ZNF569: variants seen among roughly 807,000 people sequenced by gnomAD.
The protein encoded by ZNF569 is zinc finger protein 569.
In ZNF569, 38 loss-of-function variants were observed where a neutral mutation model predicts 56.3. The ratio of observed to expected loss-of-function variants is 0.68; its 90% CI spans 0.52 to 0.88. The LOEUF is 0.88. ZNF569 is among the 40% of genes least tolerant of loss of function. ZNF569 has a pLI of 0.00. For synonymous variants in ZNF569, 241 were observed against 262.9 expected (o/e 0.92, Z 0.81); for missense variants, 666 against 809.2 (o/e 0.82, Z 2.15).
chr19:37,418,612 G>C (rs1470071394), intron 5 of ZNF569, among the ~76,000 whole-genome samples: 1 of 152,072 alleles, frequency 6.6e-6, no homozygotes, highest in Non-Finnish European at 1.5e-5. Context: ...CTAAAGAAAG[G>C]CTGAGAAATT....
intron 5 of ZNF569, among the ~76,000 whole-genome samples, chr19:37,417,665 C>T (rs2040956746): frequency 6.6e-6 from 1 of 152,126 alleles, no homozygotes; most frequent in African/African-American, 2.4e-5. Context: ...ATAAAGATGA[C>T]ATTCGTAAGT....
chr19:37,416,547 T>A (rs192164888), intron 5 of ZNF569, among the ~76,000 whole-genome samples: 1 of 152,316 alleles, frequency 6.6e-6, no homozygotes, highest in East Asian at 1.9e-4. Context: ...CTTATGTGTA[T>A]CTTTCTGTAT....
Position 37,444,930 on chromosome 19 carries a change from C to G in ZNF569, c.-9G>C. On this transcript the variant is annotated 5_prime_UTR_variant, in exon 3 of 6. Transcript: ENST00000316950. ...ACCTGGGACTCAGTCATTTCCTCTTCTTTCTGGGAAGGGATGGGGCCTGCA... is the reference window on the plus strand; with the variant it reads ...ACCTGGGACTCAGTCATTTCCTCTTGTTTCTGGGAAGGGATGGGGCCTGCA... 6.2e-6 allele frequency: 10 copies of G among 1,608,662 alleles called. No homozygotes were observed. Among genetic ancestry groups the G allele is most frequent in the Non-Finnish European group, 8.5e-6 (10 of 1,177,956 alleles).
chr19:37,461,544 A>G (rs548798562), intron 2 of ZNF569, among the ~76,000 whole-genome samples: 2 of 152,122 alleles, frequency 1.3e-5, no homozygotes, highest in East Asian at 3.9e-4. Context: ...TGATCTCGCA[A>G]TGTGCCCACT....
rs573420784 is a variant in ZNF569, at chr19:37,424,903, G to A, written c.238+965C>T. 1.3e-4 allele frequency among the ~76,000 whole-genome samples: 20 copies of A among 149,864 alleles called. No homozygotes were observed. In the South Asian group the frequency reaches 4.3e-3, roughly 32 times the overall value. The stretch of plus-strand genomic sequence containing the variant: ...TGGGAGGCCAAGGCAGGCAGATCAC[G>A]AGGTCAGGAGATCAAGACCATCCTG... On this transcript the variant is annotated intron_variant, in intron 5 of 5. Transcript: ENST00000316950.
At position 37,412,989 on chromosome 19, in the gene ZNF569, T is replaced by TA. The variant is rs1441779182; in HGVS notation, c.1668dup (p.Lys557Ter). 1 of 1,613,892 alleles carries TA rather than the reference T, an allele frequency of 6.2e-7. No homozygotes were observed. The highest frequency in any genetic ancestry group is 8.5e-7 in the Non-Finnish European group (1 of 1,179,904). The stretch of plus-strand genomic sequence containing the variant: ...AGCAGTGAGCACTGAGAGAAGGCTT[T>TA]ACCACATTTATCACATTCATAAGGC... On this transcript the variant is annotated frameshift_variant, in exon 6 of 6. Coordinates refer to ENST00000316950, the MANE Select transcript of ZNF569 (RefSeq NM_152484.3). LOFTEE classifies it high-confidence loss of function.
At chr19:37,451,381 CA>C (rs2041590336) in intron 2 of ZNF569, among the ~76,000 whole-genome samples, 1 of 137,948 alleles carries the variant, frequency 7.2e-6, no homozygotes, top group Non-Finnish European at 1.5e-5. Flanking sequence ...GCCTGGGTGA[CA>C]GAGCAAGACC....
At chr19:37,441,887 T>C (rs76655969) in intron 3 of ZNF569, among the ~76,000 whole-genome samples, 4,604 of 152,232 alleles carry the variant, frequency 0.03, 218 homozygotes, top group African/African-American at 0.096. Flanking sequence ...ATCCAGCATA[T>C]ACCCAAGCTA....
intron 5 of ZNF569, among the ~76,000 whole-genome samples, chr19:37,418,873 T>C (rs2040981599): frequency 6.6e-6 from 1 of 152,158 alleles, no homozygotes; most frequent in African/African-American, 2.4e-5. Flanking sequence ...AGCAAAAGTT[T>C]ACGTACTTAA....
chr19:37,443,461 T>C (rs1231224363), intron 3 of ZNF569, among the ~76,000 whole-genome samples: 1 of 152,162 alleles, frequency 6.6e-6, no homozygotes, highest in African/African-American at 2.4e-5. Context: ...AGGATAAATC[T>C]GAAAGAAAAC....
At chr19:37,432,790 A>G (rs1310005925) in intron 3 of ZNF569, among the ~76,000 whole-genome samples, 1 of 152,266 alleles carries the variant, frequency 6.6e-6, no homozygotes, top group Non-Finnish European at 1.5e-5. Flanking sequence ...ACACAGAGAA[A>G]GAATTTAGAA....
intron 2 of ZNF569, among the ~76,000 whole-genome samples, chr19:37,446,268 G>T (rs1568739144): frequency 6.6e-6 from 1 of 152,044 alleles, no homozygotes; most frequent in East Asian, 1.9e-4. Context: ...ATGAAACTGG[G>T]GCCAGGTGTG....
chr19:37,463,329 T>G (rs1600356924), intron 2 of ZNF569, among the ~76,000 whole-genome samples: 2 of 152,178 alleles, frequency 1.3e-5, no homozygotes, highest in East Asian at 3.9e-4. Flanking sequence ...TCCTATCACC[T>G]AGTGACATCA....
chr19:37,420,043 G>GT (rs1388736149), intron 5 of ZNF569, among the ~76,000 whole-genome samples: 2 of 144,096 alleles, frequency 1.4e-5, no homozygotes, highest in Non-Finnish European at 3.0e-5. Flanking sequence ...CTAGAGTGCA[G>GT]TGGCTCGATC....
chr19:37,444,946 G>A lies in ZNF569; in HGVS notation c.-25C>T. Reference sequence around the variant, plus strand: ...TTTCCTCTTCTTTCTGGGAAGGGATGGGGCCTGCAGAAGTAGAGCTGGGGA... The same window carrying A: ...TTTCCTCTTCTTTCTGGGAAGGGATAGGGCCTGCAGAAGTAGAGCTGGGGA... On this transcript the variant is annotated 5_prime_UTR_variant, in exon 3 of 6. Transcript: ENST00000316950. The A allele has an allele frequency of 1.2e-6, 2 of 1,607,150 alleles. No individual in the cohort carries two copies. Among genetic ancestry groups the A allele is most frequent in the Non-Finnish European group, 1.7e-6 (2 of 1,177,496 alleles).
At chr19:37,425,318 ATT>A (rs770808954) in intron 5 of ZNF569, among the ~76,000 whole-genome samples, 20,756 of 103,126 alleles carry the variant, frequency 0.2, 1,700 homozygotes, top group African/African-American at 0.32. Context: ...CACGTGGCTA[ATT>A]TTTTTTTTTT....
intron 3 of ZNF569, among the ~76,000 whole-genome samples, chr19:37,434,913 G>A (rs2041285095): frequency 6.6e-6 from 1 of 152,146 alleles, no homozygotes; most frequent in Non-Finnish European, 1.5e-5. Context: ...ACCCTTTGCT[G>A]ACTCTTTTTG....
At chr19:37,425,636 C>CT (rs952423680) in intron 5 of ZNF569, 1,963 of 295,432 alleles carry the variant, frequency 6.6e-3, no homozygotes, top group Middle Eastern at 0.011. Flanking sequence ...TTTCTTTTCT[C>CT]TTTTTTTTTT....
chr19:37,442,132 G>A (rs1351472453), intron 3 of ZNF569, among the ~76,000 whole-genome samples: 1 of 152,102 alleles, frequency 6.6e-6, no homozygotes, highest in African/African-American at 2.4e-5. Context: ...TTGGGGACAG[G>A]GAAATGAAAA....
Sources: allele counts gnomAD v4.1 joint callset (sites outside exome capture counted in the v4.1 genomes callset), GRCh38; gene constraint gnomAD v4.1.1; transcripts MANE v1.5; gene names NCBI Gene and HGNC (gene_info 2026-07-23, HGNC 2026-07-21).